The following COTL1 variants were observed in gnomAD, a reference collection of about 807,000 sequenced individuals.
COTL1 encodes the protein coactosin-like protein.
COTL1 carries 15 observed loss-of-function variants against 16.5 expected under a neutral mutation model. The ratio of observed to expected loss-of-function variants is 0.91; its 90% CI spans 0.61 to 1.40. The LOEUF (loss-of-function observed/expected upper bound fraction) is 1.40, where lower values mean the gene tolerates loss of function less well. Among genes scored for constraint, COTL1 ranks in the 40% most tolerant of loss-of-function variants. The pLI is 0.00. For synonymous variants in COTL1, 112 were observed against 85.3 expected, an observed-to-expected ratio of 1.31 and a Z score of -1.73; for missense variants, 220 against 201.5, an observed-to-expected ratio of 1.09 and a Z score of -0.56.
intron 2 of COTL1, among the ~76,000 whole-genome samples, chr16:84,612,716 G>A (rs761273532): frequency 3.3e-5 from 5 of 152,104 alleles, no homozygotes; most frequent in African/African-American, 1.2e-4. Flanking sequence ...CCGGGAGGCA[G>A]AGGCTGCACT....
intron 2 of COTL1, among the ~76,000 whole-genome samples, chr16:84,607,013 T>C (rs1467421660): frequency 2.0e-5 from 3 of 152,030 alleles, no homozygotes; most frequent in African/African-American, 4.8e-5. Context: ...TTGGGCCCAC[T>C]CAAGGGAGCA....
chr16:84,611,809 G>A (rs532295990), intron 2 of COTL1, among the ~76,000 whole-genome samples: 1 of 152,330 alleles, frequency 6.6e-6, no homozygotes, highest in African/African-American at 2.4e-5. Context: ...TCTGAATGGT[G>A]CAGAAACAAA....
At position 84,604,088 on chromosome 16, in the gene COTL1, C is replaced by T. The variant is rs528970121; in HGVS notation, c.160+13413G>A. 8.7e-4 allele frequency among the ~76,000 whole-genome samples: 120 copies of T among 138,082 alleles called. 1 individual carries two copies. Among genetic ancestry groups the T allele is most frequent in the African/African-American group, 3.2e-3 (115 of 36,170 alleles). 90.6% of individuals were successfully genotyped at this position (138,082 alleles called of 152,430 possible). Reference sequence around the variant, plus strand: ...ACGGCCCAACCCCATACTCCCCAACCGCCTTCTCACCCATGCTCCCCTCCC... The same window carrying T: ...ACGGCCCAACCCCATACTCCCCAACTGCCTTCTCACCCATGCTCCCCTCCC... On this transcript the variant is annotated intron_variant, in intron 2 of 3. Coordinates refer to ENST00000262428, the MANE Select transcript of COTL1 (RefSeq NM_021149.5).
At chr16:84,570,229 T>C (rs751886420) in intron 3 of COTL1, among the ~76,000 whole-genome samples, 8 of 152,194 alleles carry the variant, frequency 5.3e-5, no homozygotes, top group African/African-American at 9.7e-5. Context: ...TGAGCCAAGA[T>C]GGCGCCACTG....
chr16:84,615,847 T>A (rs60686259), intron 2 of COTL1, among the ~76,000 whole-genome samples: 5,321 of 99,138 alleles, frequency 0.054, 233 homozygotes, highest in African/African-American at 0.13. Context: ...AGGAGTAATT[T>A]TAGTTTTGTG....
At chr16:84,576,394 C>G (rs757218987) in intron 3 of COTL1, 2 of 152,192 alleles carry the variant, frequency 1.3e-5, no homozygotes, top group Non-Finnish European at 1.5e-5. Context: ...AGGAGAGGAA[C>G]TGATCTTCAT....
chr16:84,578,478 AT>A (rs748239910), intron 3 of COTL1, among the ~76,000 whole-genome samples: 4 of 152,138 alleles, frequency 2.6e-5, no homozygotes, highest in African/African-American at 7.2e-5. Flanking sequence ...TATCATACAC[AT>A]TTTTCAGATG....
At chr16:84,603,276 A>C (rs1159081175) in intron 2 of COTL1, among the ~76,000 whole-genome samples, 2 of 152,128 alleles carry the variant, frequency 1.3e-5, no homozygotes, top group Admixed American at 6.5e-5. Flanking sequence ...CTACGGATTC[A>C]CTTATTCATT....
intron 2 of COTL1, chr16:84,594,383 C>T (rs547214238): frequency 6.6e-6 from 1 of 152,486 alleles, no homozygotes; most frequent in Admixed American, 6.5e-5. Context: ...CAGTTCCTCA[C>T]TTGTAAGGTG....
chr16:84,611,169 G>A (rs577557278), intron 2 of COTL1, among the ~76,000 whole-genome samples: 1 of 152,320 alleles, frequency 6.6e-6, no homozygotes, highest in South Asian at 2.1e-4. Context: ...ATCGTTCAAA[G>A]CAAGACGCCC....
At chr16:84,598,604 C>A (rs139156066) in intron 2 of COTL1, among the ~76,000 whole-genome samples, 1 of 151,814 alleles carries the variant, frequency 6.6e-6, no homozygotes, top group African/African-American at 2.4e-5. Flanking sequence ...GGTGCCTTTA[C>A]GCCTCTCCCA....
chr16:84,610,195 T>C (rs1905291892), intron 2 of COTL1, among the ~76,000 whole-genome samples: 1 of 152,214 alleles, frequency 6.6e-6, no homozygotes, highest in South Asian at 2.1e-4. Context: ...TGGATTCTCC[T>C]CTCCTCTGAG....
rs944969475 is a variant in COTL1, at chr16:84,614,184, G to C, written c.160+3317C>G. Among the ~76,000 whole-genome samples the C allele has an allele frequency of 2.0e-5, 3 of 152,208 alleles. No homozygotes were observed. In the East Asian group the frequency reaches 5.8e-4, roughly 29 times the overall value. ...TAATCTGCACTGGGCATTTCTCACCGCCCTCGCAAGGTCTCTGACCATCCC... is the reference window on the plus strand; with the variant it reads ...TAATCTGCACTGGGCATTTCTCACCCCCCTCGCAAGGTCTCTGACCATCCC... On this transcript the variant is annotated intron_variant, in intron 2 of 3. Transcript: ENST00000262428.
At position 84,613,819 on chromosome 16, in the gene COTL1, G is replaced by A. The variant is rs187439588; in HGVS notation, c.160+3682C>T. On this transcript the variant is annotated intron_variant, in intron 2 of 3. Coordinates refer to ENST00000262428, the MANE Select transcript of COTL1 (RefSeq NM_021149.5). ...CAAGTCAGTCTCCTGGTTTGAGTGG[G>A]GCTGCCCCGCCCCCCACCCACTCCA... 4.4e-3 allele frequency among the ~76,000 whole-genome samples: 673 copies of A among 152,260 alleles called. 4 individuals are homozygous for A. Among genetic ancestry groups the A allele is most frequent in the Middle Eastern group, 0.02 (6 of 294 alleles).
intron 2 of COTL1, among the ~76,000 whole-genome samples, chr16:84,601,738 G>C (rs887395761): frequency 1.3e-5 from 2 of 152,186 alleles, no homozygotes; most frequent in African/African-American, 4.8e-5. Context: ...ACAGGCATAA[G>C]CCACCGCACC....
At chr16:84,598,357 C>T (rs1175513230) in intron 2 of COTL1, among the ~76,000 whole-genome samples, 1 of 152,170 alleles carries the variant, frequency 6.6e-6, no homozygotes, top group Non-Finnish European at 1.5e-5. Context: ...CCAGGCAGGG[C>T]CCTGAAGGTA....
chr16:84,598,917 C>G (rs2150691547), intron 2 of COTL1, among the ~76,000 whole-genome samples: 1 of 151,556 alleles, frequency 6.6e-6, no homozygotes, highest in South Asian at 2.1e-4. Flanking sequence ...TGGGAGAAAA[C>G]CCAGTGACAA....
chr16:84,589,614 T>A (rs979855879), intron 3 of COTL1, among the ~76,000 whole-genome samples: 1 of 152,176 alleles, frequency 6.6e-6, no homozygotes, highest in African/African-American at 2.4e-5. Flanking sequence ...GTGTTACCCG[T>A]ACCCCAAGTG....
chr16:84,566,492 C>A lies in COTL1; in HGVS notation c.*353G>T. 1 of 200,510 alleles carries A rather than the reference C, an allele frequency of 5.0e-6. No homozygotes were observed. Among genetic ancestry groups the A allele is most frequent in the Non-Finnish European group, 1.0e-5 (1 of 98,032 alleles). 12.4% of individuals were successfully genotyped at this position (200,510 alleles called of 1,614,324 possible). A position where few individuals can be genotyped will look rare whatever the true frequency, so the allele number is the denominator to read the frequency against. On this transcript the variant is annotated 3_prime_UTR_variant, in exon 4 of 4. Coordinates refer to ENST00000262428, the MANE Select transcript of COTL1 (RefSeq NM_021149.5). ...GGTCATGCAGATCTCACTAGGCAGACCTCGTCGCGTGGAAGAGAAATGCCA... is the reference window on the plus strand; with the variant it reads ...GGTCATGCAGATCTCACTAGGCAGAACTCGTCGCGTGGAAGAGAAATGCCA...
Sources: allele counts gnomAD v4.1 joint callset (sites outside exome capture counted in the v4.1 genomes callset), GRCh38; gene constraint gnomAD v4.1.1; transcripts MANE v1.5; gene names NCBI Gene and HGNC (gene_info 2026-07-23, HGNC 2026-07-21).